Variants in MRPL14 observed in about 807,000 individuals in gnomAD.
MRPL14 encodes mitochondrial ribosomal protein L14.
Under a neutral mutation model 10.9 loss-of-function variants are expected in MRPL14, and 8 were observed. The ratio of observed to expected loss-of-function variants is 0.74; its 90% confidence interval spans 0.43 to 1.33. MRPL14 has a LOEUF of 1.33. MRPL14 is among the 40% of genes most tolerant of loss of function. The probability of loss-of-function intolerance (pLI) is 0.01; values close to 1 mark genes in which losing one functional copy is unlikely to be tolerated. For missense variants in MRPL14, 179 were observed against 194.5 expected (o/e 0.92, Z 0.47); for synonymous variants, 82 against 74.1 (o/e 1.11, Z -0.54).
At chr6:44,114,404 A>C (rs1253560098) in intron 2 of MRPL14, among the ~76,000 whole-genome samples, 195 bp from the exon 3 acceptor site, 1 of 152,208 alleles carries the variant, frequency 6.6e-6, no homozygotes, top group Non-Finnish European at 1.5e-5. Context: ...CTCACAATTG[A>C]GAGCTTCTGC....
Position 44,123,313 on chromosome 6 carries a change from A to G in MRPL14, c.-19+4031T>C, listed in dbSNP as rs138768580. Among the ~76,000 whole-genome samples, 8 of 152,368 alleles carry G rather than the reference A, an allele frequency of 5.3e-5. No individual in the cohort carries two copies. The East Asian group carries it at 1.3e-3, about 26-fold the overall frequency. ...GGCTGTTTTTATTAAACACTGCACA[A>G]TATTTGCACAGTGAAGATGCTGCTT... On this transcript the variant is annotated intron_variant, in intron 1 of 2. Coordinates refer to ENST00000372014, the MANE Select transcript of MRPL14 (RefSeq NM_032111.4).
At chr6:44,120,215 TG>T (rs1175052104) in intron 1 of MRPL14, among the ~76,000 whole-genome samples, 2 of 152,228 alleles carry the variant, frequency 1.3e-5, no homozygotes, top group African/African-American at 2.4e-5. Flanking sequence ...TCCTGAACAC[TG>T]GGACATCCTT....
intron 1 of MRPL14, among the ~76,000 whole-genome samples, chr6:44,119,453 A>G (rs953901310): frequency 6.6e-6 from 1 of 151,946 alleles, no homozygotes; most frequent in Non-Finnish European, 1.5e-5. Flanking sequence ...ACTTGAACCC[A>G]TGAGGCAAAG....
chr6:44,125,502 A>G (rs747559290), intron 1 of MRPL14, among the ~76,000 whole-genome samples: 4 of 151,968 alleles, frequency 2.6e-5, no homozygotes, highest in Non-Finnish European at 5.9e-5. Flanking sequence ...CTAAAAATAC[A>G]AAAATTAGCC....
chr6:44,125,636 G>C (rs1056992947), intron 1 of MRPL14, among the ~76,000 whole-genome samples: 2 of 129,758 alleles, frequency 1.5e-5, no homozygotes, highest in African/African-American at 6.2e-5. Context: ...TCCCCAGCCT[G>C]GGCAAGAGAG....
chr6:44,114,244 A>C, intron 2 of MRPL14, 35 bp from the exon 3 acceptor site: 1 of 1,583,888 alleles, frequency 6.3e-7, no homozygotes, highest in Non-Finnish European at 8.6e-7. Flanking sequence ...TGCAGTCTGT[A>C]TCTCTTATGG....
chr6:44,115,389 T>G (rs1033417566), intron 2 of MRPL14, among the ~76,000 whole-genome samples: 2 of 152,304 alleles, frequency 1.3e-5, no homozygotes, highest in African/African-American at 4.8e-5. Context: ...AACCTCCGCC[T>G]GCTGCTACAC....
At chr6:44,125,458 C>T (rs1042585207) in intron 1 of MRPL14, among the ~76,000 whole-genome samples, 21 of 152,068 alleles carry the variant, frequency 1.4e-4, no homozygotes, top group Non-Finnish European at 2.9e-4. Context: ...GGGCTGGAGA[C>T]CAGCCTGGGC....
At chr6:44,122,642 G>C (rs907257180) in intron 1 of MRPL14, among the ~76,000 whole-genome samples, 6 of 152,118 alleles carry the variant, frequency 3.9e-5, no homozygotes, top group African/African-American at 1.4e-4. Context: ...GATAGAAAAA[G>C]GAGAAAACAA....
chr6:44,114,225 A>G lies in MRPL14; in HGVS notation c.72-16T>C. The G allele has an allele frequency of 6.3e-7, 1 of 1,596,508 alleles. No homozygotes were observed. The highest frequency in any genetic ancestry group is 1.1e-5 in the South Asian group (1 of 89,910). On this transcript the variant is annotated splice_polypyrimidine_tract_variant and intron_variant, in intron 2 of 2. Coordinates refer to ENST00000372014, the MANE Select transcript of MRPL14 (RefSeq NM_032111.4). ...CCCAGTGGTGCTGGTGGGAGGAAAA[A>G]AAAAAGTCTGCAGTCTGTATCTCTT...
At chr6:44,116,395 G>T in intron 2 of MRPL14, 146 bp downstream of exon 2, 1 of 758,752 alleles carries the variant, frequency 1.3e-6, no homozygotes, top group Non-Finnish European at 2.3e-6. Flanking sequence ...GACCAACCAG[G>T]CCAGCTCAGC....
chr6:44,114,131 T>A lies in MRPL14; in HGVS notation c.150A>T (p.Pro50=). The change falls in exon 3 of 3, where the codon CCA becomes CCT. Residue 50 remains proline (P), a synonymous_variant. Transcript: ENST00000372014. ...GGATGCAGCGAGGAGCCCGATGGTA[T>A]GGGCTGTTCCCCAGGGCACTGTTGT... The part of the protein sequence containing the change: ...VVDNSALGNS[P]YHRAPRCIHV... The A allele has an allele frequency of 6.2e-7, 1 of 1,614,180 alleles. No individual in the cohort carries two copies. Among genetic ancestry groups the A allele is most frequent in the Non-Finnish European group, 8.5e-7 (1 of 1,180,036 alleles).
intron 1 of MRPL14, among the ~76,000 whole-genome samples, chr6:44,125,760 T>C (rs549230984): frequency 5.4e-5 from 8 of 149,508 alleles, no homozygotes; most frequent in Admixed American, 5.3e-4. Flanking sequence ...TCCATTATAA[T>C]ACTATTTGAC....
intron 1 of MRPL14, among the ~76,000 whole-genome samples, chr6:44,120,896 T>C (rs1776340899): frequency 6.6e-6 from 1 of 152,170 alleles, no homozygotes; most frequent in African/African-American, 2.4e-5. Flanking sequence ...GTGCTAATCA[T>C]GGAGGATTAG....
At chr6:44,117,844 T>TTTTTTGTG (rs1776012620) in intron 1 of MRPL14, among the ~76,000 whole-genome samples, 1 of 81,368 alleles carries the variant, frequency 1.2e-5, no homozygotes, top group Non-Finnish European at 2.4e-5. Flanking sequence ...TTTTGTGTTT[T>TTTTTTGTG]TTTTTTTTTT....
intron 1 of MRPL14, among the ~76,000 whole-genome samples, chr6:44,122,187 A>G (rs1042787372): frequency 3.3e-5 from 5 of 151,038 alleles, no homozygotes; most frequent in Non-Finnish European, 5.9e-5. Flanking sequence ...GGTTCACACC[A>G]TTCTCCTGCC....
intron 1 of MRPL14, among the ~76,000 whole-genome samples, chr6:44,119,689 G>C (rs1776218341): frequency 6.6e-6 from 1 of 152,166 alleles, no homozygotes; most frequent in African/African-American, 2.4e-5. Context: ...TCAATACTCA[G>C]AGCAATAACT....
intron 1 of MRPL14, among the ~76,000 whole-genome samples, chr6:44,118,500 C>T (rs915340571): frequency 4.6e-5 from 7 of 152,164 alleles, no homozygotes; most frequent in African/African-American, 1.7e-4. Context: ...GTGTTCCAAC[C>T]GCACTCTGCA....
At position 44,115,598 on chromosome 6, in the gene MRPL14, T is replaced by TAATTAGTGTCCCATTGCACAATTAGTG. The variant is rs557615710; in HGVS notation, c.71+942_71+943insCACTAATTGTGCAATGGGACACTAATT. On this transcript the variant is annotated intron_variant, in intron 2 of 2. Coordinates refer to ENST00000372014, the MANE Select transcript of MRPL14 (RefSeq NM_032111.4). ...ACTGTGACATTAGTGTCCTAGTTGG[T>TAATTAGTGTCCCATTGCACAATTAGTG]TCCCATTGCACTTCACTTTGCCAAC... 2.9e-3 allele frequency among the ~76,000 whole-genome samples: 439 copies of TAATTAGTGTCCCATTGCACAATTAGTG among 152,250 alleles called. 1 individual carries two copies. The highest frequency in any genetic ancestry group is 4.3e-3 in the Non-Finnish European group (293 of 67,994).
Sources: allele counts gnomAD v4.1 joint callset (sites outside exome capture counted in the v4.1 genomes callset), GRCh38; gene constraint gnomAD v4.1.1; transcripts MANE v1.5; gene names NCBI Gene and HGNC (gene_info 2026-07-23, HGNC 2026-07-21).